The following ASIC2 variants were observed in gnomAD, a reference collection of about 807,000 sequenced individuals.
ASIC2 encodes the protein acid sensing ion channel subunit 2.
ASIC2 carries 25 observed loss-of-function variants against 57.3 expected under a neutral mutation model. The observed-to-expected ratio is 0.44, with a 90% CI of 0.32 to 0.61. The LOEUF (loss-of-function observed/expected upper bound fraction) is 0.61. Ranked by LOEUF, ASIC2 falls within the 20% of genes least tolerant of loss-of-function variation. The pLI is 0.06. For missense variants in ASIC2, 641 were observed against 738.1 expected, an observed-to-expected ratio of 0.87 and a Z score of 1.52; for synonymous variants, 319 against 307.5, an observed-to-expected ratio of 1.04 and a Z score of -0.39.
intron 1 of ASIC2, among the ~76,000 whole-genome samples, chr17:34,011,337 G>A (rs1292580001): frequency 6.6e-6 from 1 of 151,986 alleles, no homozygotes; most frequent in Non-Finnish European, 1.5e-5. Flanking sequence ...CCCACTTAAG[G>A]TCTATTTTTT....
chr17:34,019,717 C>T (rs539920115), intron 1 of ASIC2, among the ~76,000 whole-genome samples: 54 of 152,268 alleles, frequency 3.5e-4, no homozygotes, highest in African/African-American at 1.1e-3. Flanking sequence ...GAAATTTCTG[C>T]GACTCACTTT....
At chr17:33,354,653 C>G (rs1200731247) in intron 1 of ASIC2, among the ~76,000 whole-genome samples, 1 of 152,034 alleles carries the variant, frequency 6.6e-6, no homozygotes, top group African/African-American at 2.4e-5. Context: ...CTACTGGGAA[C>G]ATTCTTTCTT....
chr17:33,039,366 C>T (rs2091921638), intron 3 of ASIC2, among the ~76,000 whole-genome samples: 1 of 152,162 alleles, frequency 6.6e-6, no homozygotes, highest in African/African-American at 2.4e-5. Flanking sequence ...TCCTCACTGA[C>T]CCGTGTGTCT....
intron 1 of ASIC2, among the ~76,000 whole-genome samples, chr17:33,832,599 T>C (rs774608777): frequency 1.3e-5 from 2 of 152,220 alleles, no homozygotes; most frequent in Admixed American, 6.5e-5. Flanking sequence ...ACCAGTAGAC[T>C]GCTGCAAAGC....
At chr17:33,297,240 C>T (rs1291730354), upstream of ASIC2, among the ~76,000 whole-genome samples, 3 of 152,184 alleles carry the variant, frequency 2.0e-5, no homozygotes, top group Non-Finnish European at 2.9e-5. Flanking sequence ...GTAGTTTTTG[C>T]TCTTGAGATA....
rs534377667 is a variant in ASIC2 at position 33,072,524 on chromosome 17, C to T, written c.987+16339G>A. On this transcript the variant is annotated intron_variant, in intron 3 of 9. Transcript: ENST00000225823. ...TGTATCAGGTGGCCCATCTCTACTA[C>T]GTGTCATTGCTTCTCCATTCAGAAA... 2.6e-5 allele frequency among the ~76,000 whole-genome samples: 4 copies of T among 152,336 alleles called. 1 individual carries two copies. Among genetic ancestry groups the T allele is most frequent in the South Asian group, 4.1e-4 (2 of 4,832 alleles).
chr17:33,453,688 A>G (rs1045989345), intron 1 of ASIC2, among the ~76,000 whole-genome samples: 4 of 152,108 alleles, frequency 2.6e-5, no homozygotes, highest in South Asian at 2.1e-4. Flanking sequence ...AATATGTTTG[A>G]CCTATCTACA....
intron 1 of ASIC2, among the ~76,000 whole-genome samples, chr17:33,918,436 C>A (rs1379596733): frequency 1.3e-5 from 2 of 152,172 alleles, no homozygotes; most frequent in Admixed American, 1.3e-4. Flanking sequence ...TATGCATTTA[C>A]CTGTATGAAG....
chr17:33,819,647 G>C (rs1235355982), intron 1 of ASIC2, among the ~76,000 whole-genome samples: 1 of 152,198 alleles, frequency 6.6e-6, no homozygotes, highest in Non-Finnish European at 1.5e-5. Flanking sequence ...CTGAGACTGT[G>C]ACCTTGGCCA....
intron 1 of ASIC2, among the ~76,000 whole-genome samples, chr17:33,719,817 C>G (rs1597848766): frequency 6.6e-6 from 1 of 152,318 alleles, no homozygotes; most frequent in Non-Finnish European, 1.5e-5. Flanking sequence ...CCAAACTTAT[C>G]CCTTCAAAGG....
At chr17:33,695,572 C>A (rs1415879445) in intron 1 of ASIC2, among the ~76,000 whole-genome samples, 1 of 152,294 alleles carries the variant, frequency 6.6e-6, no homozygotes, top group Admixed American at 6.5e-5. Context: ...GCAAGCTGAA[C>A]TATACAGAAG....
intron 1 of ASIC2, among the ~76,000 whole-genome samples, chr17:33,365,035 A>G (rs1908753578): frequency 1.3e-5 from 2 of 152,222 alleles, no homozygotes; most frequent in African/African-American, 4.8e-5. Flanking sequence ...TAGCACGGAT[A>G]TGAGGCCTTT....
At chr17:33,586,762 C>T (rs1388819038) in intron 1 of ASIC2, among the ~76,000 whole-genome samples, 1 of 152,198 alleles carries the variant, frequency 6.6e-6, no homozygotes, top group African/African-American at 2.4e-5. Flanking sequence ...TGGCTCCATC[C>T]CTTTCACTCT....
intron 1 of ASIC2, among the ~76,000 whole-genome samples, chr17:33,361,233 A>C (rs375125098): frequency 1.7e-4 from 26 of 152,328 alleles, no homozygotes; most frequent in African/African-American, 5.8e-4. Flanking sequence ...CATTATGGGA[A>C]CTGGGCTCAG....
chr17:33,070,792 G>C (rs2092065849), intron 3 of ASIC2, among the ~76,000 whole-genome samples: 1 of 152,054 alleles, frequency 6.6e-6, no homozygotes, highest in Non-Finnish European at 1.5e-5. Flanking sequence ...AGATATGCTG[G>C]AGTAAGGATC....
intron 1 of ASIC2, among the ~76,000 whole-genome samples, chr17:33,773,610 T>G (rs150176251): frequency 2.0e-3 from 301 of 151,972 alleles, no homozygotes; most frequent in Non-Finnish European, 2.9e-3. Context: ...CAAGATGCAC[T>G]GAATGTCTTT....
At chr17:33,203,149 T>C (rs1906941439) in intron 1 of ASIC2, among the ~76,000 whole-genome samples, 1 of 152,158 alleles carries the variant, frequency 6.6e-6, no homozygotes. Flanking sequence ...TCCTTACCCA[T>C]AGCTCCACTA....
chr17:33,974,509 C>T (rs567294771), intron 1 of ASIC2, among the ~76,000 whole-genome samples: 1 of 152,192 alleles, frequency 6.6e-6, no homozygotes, highest in South Asian at 2.1e-4. Flanking sequence ...GGTATGCTGC[C>T]CGGCAGGTGG....
chr17:33,150,923 G>C (rs1019403118), intron 1 of ASIC2, among the ~76,000 whole-genome samples: 4 of 151,444 alleles, frequency 2.6e-5, no homozygotes, highest in Non-Finnish European at 5.9e-5. Flanking sequence ...CCAGCTATTC[G>C]GGAGGCTGAG....
Sources: gnomAD v4.1 joint callset for allele counts (sites outside exome capture counted in the v4.1 genomes callset) on GRCh38, gnomAD v4.1.1 for gene constraint, MANE v1.5 for transcripts, NCBI Gene and HGNC (gene_info 2026-07-23, HGNC 2026-07-21) for gene names.